The following RAB3IP variants were observed in gnomAD, a reference collection of about 807,000 sequenced individuals.
RAB3IP encodes the protein RAB3A interacting protein.
A neutral mutation model predicts 59.1 loss-of-function variants in RAB3IP; 36 were observed. The ratio of observed to expected loss-of-function variants is 0.61; its 90% CI spans 0.47 to 0.80. The LOEUF is 0.80. Among genes scored for constraint, RAB3IP ranks in the 30% least tolerant of loss-of-function variants. RAB3IP has a pLI of 0.00. For synonymous variants in RAB3IP, 207 were observed against 191.2 expected (o/e 1.08, Z -0.68); for missense variants, 511 against 536.0 (o/e 0.95, Z 0.46).
chr12:69,811,765 C>T (rs952085757), intron 8 of RAB3IP, among the ~76,000 whole-genome samples: 3 of 152,178 alleles, frequency 2.0e-5, no homozygotes, highest in Non-Finnish European at 4.4e-5. Context: ...TTGCCCCCTC[C>T]TCAAAAATTA....
At chr12:69,752,321 T>TTA (rs560948765) in intron 1 of RAB3IP, among the ~76,000 whole-genome samples, 5 of 147,194 alleles carry the variant, frequency 3.4e-5, no homozygotes, top group Admixed American at 6.7e-5. Flanking sequence ...TAAAAAAAAA[T>TTA]TATATATATA....
chr12:69,796,484 CT>C (rs1245347823), intron 6 of RAB3IP: 1 of 428,338 alleles, frequency 2.3e-6, no homozygotes, highest in Non-Finnish European at 4.1e-6. Context: ...TAGAAGCCAT[CT>C]TTTACATTGT....
chr12:69,787,843 T>C (rs540860869), intron 4 of RAB3IP, among the ~76,000 whole-genome samples: 3 of 152,134 alleles, frequency 2.0e-5, no homozygotes, highest in Non-Finnish European at 2.9e-5. Context: ...TAGGCACATA[T>C]AGGTAGTGTT....
Position 69,795,350 on chromosome 12 carries a change from T to TTTG in RAB3IP, c.888+6_888+7insTTG. 6.2e-7 allele frequency: 1 copy of TTTG among 1,605,604 alleles called. No homozygotes were observed. Among genetic ancestry groups the TTTG allele is most frequent in the African/African-American group, 1.3e-5 (1 of 74,832 alleles). ...TTGTAAAAGACTGCAAAGAGGTAAC[T>TTTG]CATCAAGGACTGTCCCCTCTGACTC... On this transcript the variant is annotated splice_region_variant and intron_variant, in intron 6 of 10. Transcript: ENST00000247833.
chr12:69,751,608 A>G (rs1229157073), intron 1 of RAB3IP, among the ~76,000 whole-genome samples: 2 of 152,196 alleles, frequency 1.3e-5, no homozygotes, highest in African/African-American at 2.4e-5. Context: ...TGACATTAGC[A>G]TAACTTATTT....
intron 3 of RAB3IP, among the ~76,000 whole-genome samples, chr12:69,764,347 ATTC>A: frequency 6.6e-6 from 1 of 152,262 alleles, no homozygotes; most frequent in East Asian, 1.9e-4. Flanking sequence ...TTCCAGTTTC[ATTC>A]TTCTGCATAT....
At chr12:69,778,583 A>G (rs1169651417) in intron 3 of RAB3IP, among the ~76,000 whole-genome samples, 8 of 72,408 alleles carry the variant, frequency 1.1e-4, no homozygotes, top group African/African-American at 3.6e-4. Context: ...TGATGTACAG[A>G]TGGGTTTTCG....
At chr12:69,770,115 TC>T (rs536576225) in intron 3 of RAB3IP, among the ~76,000 whole-genome samples, 2 of 152,278 alleles carry the variant, frequency 1.3e-5, no homozygotes, top group South Asian at 4.1e-4. Flanking sequence ...AAATAAAAAT[TC>T]CAGTTGGAAA....
intron 1 of RAB3IP, among the ~76,000 whole-genome samples, chr12:69,751,059 T>TA (rs1180889833): frequency 6.6e-6 from 1 of 152,212 alleles, no homozygotes; most frequent in East Asian, 1.9e-4. Flanking sequence ...CCAGATAAAA[T>TA]ACTTCATTCT....
chr12:69,746,462 T>TGAG (rs1251104573), intron 1 of RAB3IP, among the ~76,000 whole-genome samples: 2 of 152,166 alleles, frequency 1.3e-5, no homozygotes, highest in Non-Finnish European at 2.9e-5. Context: ...TTTACTTCTC[T>TGAG]TTGAGACATT....
At chr12:69,745,937 ATC>A (rs537399536) in intron 1 of RAB3IP, among the ~76,000 whole-genome samples, 3 of 152,212 alleles carry the variant, frequency 2.0e-5, no homozygotes, top group African/African-American at 7.2e-5. Flanking sequence ...GACAAAATTA[ATC>A]TCTCTCAGCC....
At chr12:69,804,660 A>G (rs546063113) in intron 8 of RAB3IP, among the ~76,000 whole-genome samples, 1 of 152,082 alleles carries the variant, frequency 6.6e-6, no homozygotes, top group South Asian at 2.1e-4. Context: ...TCCATCTTGA[A>G]TTAATTTTTG....
At position 69,751,335 on chromosome 12, in the gene RAB3IP, C is replaced by T. The variant is rs1007476815; in HGVS notation, c.-25-4049C>T. Reference sequence around the variant, plus strand: ...ATAACAAGATGTTCCAGGGTCCTTTCGTACATTTCTGTCCCAGGCTGGAAT... The same window carrying T: ...ATAACAAGATGTTCCAGGGTCCTTTTGTACATTTCTGTCCCAGGCTGGAAT... On this transcript the variant is annotated intron_variant, in intron 1 of 10. Coordinates refer to ENST00000247833, the MANE Select transcript of RAB3IP (RefSeq NM_022456.5). 5.9e-5 allele frequency among the ~76,000 whole-genome samples: 9 copies of T among 152,256 alleles called. No individual in the cohort carries two copies. In the East Asian group the frequency reaches 9.7e-4, roughly 16 times the overall value.
At chr12:69,750,344 A>G (rs1473641686) in intron 1 of RAB3IP, among the ~76,000 whole-genome samples, 4 of 152,186 alleles carry the variant, frequency 2.6e-5, no homozygotes, top group African/African-American at 4.8e-5. Flanking sequence ...TTTCATCTAT[A>G]AATACTTCAG....
chr12:69,759,934 G>T (rs528721791), intron 3 of RAB3IP, among the ~76,000 whole-genome samples: 1 of 151,614 alleles, frequency 6.6e-6, no homozygotes, highest in South Asian at 2.1e-4. Context: ...CATCTCAGAC[G>T]ATGGGTGGCC....
At chr12:69,753,141 T>C (rs530442017) in intron 1 of RAB3IP, among the ~76,000 whole-genome samples, 4 of 152,340 alleles carry the variant, frequency 2.6e-5, no homozygotes, top group African/African-American at 9.6e-5. Context: ...TTGGGTTGTC[T>C]ATATGCTGGA....
upstream of RAB3IP, chr12:69,738,427 C>T (rs1160839928): frequency 6.6e-6 from 1 of 152,260 alleles, no homozygotes; most frequent in Non-Finnish European, 1.5e-5. Flanking sequence ...CTCCCATCTC[C>T]CGCCACACAC....
chr12:69,753,288 C>T (rs1869632941), intron 1 of RAB3IP, among the ~76,000 whole-genome samples: 1 of 152,144 alleles, frequency 6.6e-6, no homozygotes, highest in East Asian at 1.9e-4. Context: ...TTAAATTTTT[C>T]AGCTAGTTTA....
intron 5 of RAB3IP, 34 bp downstream of exon 5, chr12:69,794,548 A>T: frequency 3.3e-6 from 5 of 1,509,600 alleles, no homozygotes; most frequent in Non-Finnish European, 4.6e-6. Flanking sequence ...GTATAAAATA[A>T]ATTTGTGATA....
Sources: gnomAD v4.1 joint callset for allele counts (sites outside exome capture counted in the v4.1 genomes callset) on GRCh38, gnomAD v4.1.1 for gene constraint, MANE v1.5 for transcripts, NCBI Gene and HGNC (gene_info 2026-07-23, HGNC 2026-07-21) for gene names.